Variants in INVS observed in about 807,000 individuals in gnomAD.
The protein encoded by INVS is inversion of embryo turning homolog.
Under a neutral mutation model 108.8 loss-of-function variants are expected in INVS, and 86 were observed. The observed-to-expected ratio is 0.79, with a 90% confidence interval of 0.66 to 0.95. INVS has a LOEUF of 0.95. INVS is among the 40% of genes least tolerant of loss of function. The probability of loss-of-function intolerance (pLI) is 0.00; values close to 1 mark genes in which losing one functional copy is unlikely to be tolerated. For missense variants in INVS, 1,169 were observed against 1,297.4 expected (o/e 0.90, Z 1.52); for synonymous variants, 455 against 473.5 (o/e 0.96, Z 0.51).
chr9:100,214,307 G>T (rs1033696970), intron 3 of INVS, among the ~76,000 whole-genome samples: 3 of 152,120 alleles, frequency 2.0e-5, no homozygotes, highest in Admixed American at 6.5e-5. Context: ...CTTTGGCCTC[G>T]TTGCAGATAG....
intron 2 of INVS, among the ~76,000 whole-genome samples, chr9:100,116,507 A>C (rs1827535177): frequency 6.6e-6 from 1 of 152,064 alleles, no homozygotes; most frequent in Admixed American, 6.5e-5. Context: ...ATTTCCTCCC[A>C]ATTTGTGGCT....
chr9:100,100,654 AAT>A (rs71370979), intron 1 of INVS, among the ~76,000 whole-genome samples: 1,222 of 39,218 alleles, frequency 0.031, 35 homozygotes, highest in Middle Eastern at 0.049. Context: ...ATGTATATAT[AAT>A]ATATATATTA....
chr9:100,280,109 T>G (rs537220868), intron 12 of INVS, among the ~76,000 whole-genome samples: 12 of 152,232 alleles, frequency 7.9e-5, no homozygotes, highest in South Asian at 2.1e-4. Flanking sequence ...CTTTTCTTGC[T>G]AAATTTTCAT....
intron 3 of INVS, among the ~76,000 whole-genome samples, chr9:100,171,365 C>CA (rs149623622): frequency 0.011 from 1,648 of 152,110 alleles, 16 homozygotes; most frequent in African/African-American, 0.016. Flanking sequence ...CAGGTTATAC[C>CA]ATATAGCCTA....
intron 10 of INVS, among the ~76,000 whole-genome samples, chr9:100,257,977 C>G (rs1450571930): frequency 6.6e-6 from 1 of 152,178 alleles, no homozygotes; most frequent in Non-Finnish European, 1.5e-5. Context: ...TGGGGAAGTT[C>G]TCCTGGATAA....
rs1032948512 is a variant in INVS at position 100,145,125 on chromosome 9, A to G, written c.273+18576A>G. ...TCAAGTGTGAGTTGAAGAGGTTTTA[A>G]GTTCTTGAGAACACAGGCTAAGGGA... On this transcript the variant is annotated intron_variant, in intron 3 of 16. Transcript: ENST00000262457. Among the ~76,000 whole-genome samples, 3 of 152,240 alleles carry G rather than the reference A, an allele frequency of 2.0e-5. No individual in the cohort carries two copies. In the East Asian group the frequency reaches 5.8e-4, roughly 29 times the overall value.
chr9:100,116,974 A>G (rs1827552638), intron 2 of INVS: 1 of 1,561,396 alleles, frequency 6.4e-7, no homozygotes, highest in South Asian at 1.1e-5. Flanking sequence ...TGTAGCAGTC[A>G]TCGATACCAG....
At chr9:100,246,564 A>T (rs2118527402) in intron 7 of INVS, 52 bp from the exon 8 acceptor site, 1 of 1,344,370 alleles carries the variant, frequency 7.4e-7, no homozygotes, top group African/African-American at 1.4e-5. Context: ...CTTTATTACC[A>T]CAGAAAATAC....
intron 3 of INVS, among the ~76,000 whole-genome samples, chr9:100,144,590 C>T (rs534344328): frequency 6.6e-6 from 1 of 152,160 alleles, no homozygotes; most frequent in Non-Finnish European, 1.5e-5. Flanking sequence ...ATGCCTTTAG[C>T]TCCAGCCACT....
At chr9:100,209,596 CT>C (rs1311292219) in intron 3 of INVS, among the ~76,000 whole-genome samples, 3 of 151,982 alleles carry the variant, frequency 2.0e-5, no homozygotes, top group Non-Finnish European at 4.4e-5. Flanking sequence ...CAGTGAAACC[CT>C]GTCTCTACTA....
At chr9:100,247,273 C>A (rs762812079) in intron 8 of INVS, among the ~76,000 whole-genome samples, 2 of 152,078 alleles carry the variant, frequency 1.3e-5, no homozygotes, top group African/African-American at 4.8e-5. Context: ...TTAGAGAGAA[C>A]CTCCCATGGC....
At chr9:100,105,499 T>C (rs999284700) in intron 2 of INVS, among the ~76,000 whole-genome samples, 5 of 152,206 alleles carry the variant, frequency 3.3e-5, no homozygotes, top group Non-Finnish European at 7.3e-5. Flanking sequence ...GTTAACCTTC[T>C]TCTGTGCTAA....
At chr9:100,203,486 A>G (rs1024943956) in intron 3 of INVS, among the ~76,000 whole-genome samples, 2 of 143,058 alleles carry the variant, frequency 1.4e-5, no homozygotes, top group East Asian at 2.0e-4. Flanking sequence ...TTACTGCAGC[A>G]TTTCCCAAAG....
intron 11 of INVS, among the ~76,000 whole-genome samples, chr9:100,268,048 G>A (rs1832845653): frequency 6.6e-6 from 1 of 152,120 alleles, no homozygotes; most frequent in South Asian, 2.1e-4. Context: ...GACCCCAAGA[G>A]AGGGTTCTTG....
At chr9:100,298,060 T>C (rs1351979092) in intron 16 of INVS, 50 bp downstream of exon 16, 6 of 1,613,236 alleles carry the variant, frequency 3.7e-6, no homozygotes, top group Admixed American at 1.7e-5. Context: ...TGGGGAAGCA[T>C]TTTCCTTTGT....
intron 10 of INVS, among the ~76,000 whole-genome samples, chr9:100,258,682 A>C (rs768114758): frequency 6.6e-6 from 1 of 152,004 alleles, no homozygotes; most frequent in Non-Finnish European, 1.5e-5. Flanking sequence ...CTGGAGATCC[A>C]CTCCAGACCA....
chr9:100,171,451 C>A (rs1438898709), intron 3 of INVS, among the ~76,000 whole-genome samples: 1 of 152,074 alleles, frequency 6.6e-6, no homozygotes, highest in Non-Finnish European at 1.5e-5. Context: ...CCTAATGATA[C>A]ATTTTGCAGA....
chr9:100,120,982 G>A (rs1157624975), intron 2 of INVS: 2 of 152,128 alleles, frequency 1.3e-5, no homozygotes, highest in East Asian at 1.9e-4. Flanking sequence ...TTGCTACAAG[G>A]TACCCTGGAA....
chr9:100,157,513 G>T (rs1423984762), intron 3 of INVS, among the ~76,000 whole-genome samples: 1 of 151,932 alleles, frequency 6.6e-6, no homozygotes, highest in African/African-American at 2.4e-5. Context: ...TGATCCGCCC[G>T]CCTCGGCCTC....
Sources: allele counts gnomAD v4.1 joint callset (sites outside exome capture counted in the v4.1 genomes callset), GRCh38; gene constraint gnomAD v4.1.1; transcripts MANE v1.5; gene names NCBI Gene and HGNC (gene_info 2026-07-23, HGNC 2026-07-21).